The following SLC41A2 variants were observed in gnomAD, a reference collection of about 807,000 sequenced individuals.
SLC41A2 encodes solute carrier family 41 member 2.
Under a neutral mutation model 58.3 loss-of-function variants are expected in SLC41A2, and 32 were observed. The observed-to-expected ratio is 0.55, with a 90% confidence interval of 0.41 to 0.74. The LOEUF (loss-of-function observed/expected upper bound fraction) is 0.74. Among genes scored for constraint, SLC41A2 ranks in the 30% least tolerant of loss-of-function variants. The pLI, the probability that SLC41A2 is intolerant of heterozygous loss-of-function variation, is 0.00. For missense variants in SLC41A2, 514 were observed against 680.6 expected, an observed-to-expected ratio of 0.76 and a Z score of 2.72; for synonymous variants, 190 against 235.0, an observed-to-expected ratio of 0.81 and a Z score of 1.75.
At chr12:104,855,674 G>A (rs192332474) in intron 8 of SLC41A2, among the ~76,000 whole-genome samples, 101 of 152,196 alleles carry the variant, frequency 6.6e-4, no homozygotes, top group Admixed American at 2.8e-3. Flanking sequence ...TAAACAGTCC[G>A]TCTTGAATCC....
chr12:104,878,326 T>TATATATATAA (rs1555206647), intron 6 of SLC41A2, among the ~76,000 whole-genome samples: 1 of 148,074 alleles, frequency 6.8e-6, no homozygotes, highest in African/African-American at 2.5e-5. Context: ...TATATATATA[T>TATATATATAA]ACATTTTTTA....
chr12:104,948,230 G>GA (rs2047806099), intron 1 of SLC41A2, among the ~76,000 whole-genome samples: 1 of 151,854 alleles, frequency 6.6e-6, no homozygotes, highest in African/African-American at 2.4e-5. Context: ...GGATAATGAC[G>GA]AAAAAAATGT....
At chr12:104,869,263 T>G (rs1423623630) in intron 6 of SLC41A2, among the ~76,000 whole-genome samples, 1 of 152,192 alleles carries the variant, frequency 6.6e-6, no homozygotes, top group Non-Finnish European at 1.5e-5. Flanking sequence ...AATTGTATAC[T>G]TTAAAAAAGT....
chr12:104,900,879 A>T (rs1369360353), intron 3 of SLC41A2, among the ~76,000 whole-genome samples: 1 of 152,236 alleles, frequency 6.6e-6, no homozygotes, highest in African/African-American at 2.4e-5. Context: ...ACTTAAAGTT[A>T]CTAGGGAAAG....
At chr12:104,860,974 A>C (rs939126235) in intron 8 of SLC41A2, among the ~76,000 whole-genome samples, 1 of 152,216 alleles carries the variant, frequency 6.6e-6, no homozygotes, top group Non-Finnish European at 1.5e-5. Context: ...AATATACAAT[A>C]GCTGATAATC....
chr12:104,886,409 G>A lies in SLC41A2; in HGVS notation c.911C>T (p.Ser304Leu). 6.2e-7 allele frequency: 1 copy of A among 1,613,384 alleles called. No individual in the cohort carries two copies. Among genetic ancestry groups the A allele is most frequent in the Non-Finnish European group, 8.5e-7 (1 of 1,179,458 alleles). ...ATCAGGATTTATACCAGTCTTCTTTGAACCAACGATAACCCCAACCATTAT... is the reference window on the plus strand; with the variant it reads ...ATCAGGATTTATACCAGTCTTCTTTAAACCAACGATAACCCCAACCATTAT... The part of the protein sequence containing the change: ...GIIMVGVIVG[S>L]KKTGINPDNV... The change falls in exon 6 of 11, where the codon TCA becomes TTA. Residue 304 changes from serine (S) to leucine (L), a missense_variant. Coordinates refer to ENST00000258538, the MANE Select transcript of SLC41A2 (RefSeq NM_001352171.3).
At chr12:104,956,407 G>A (rs1479103436) in intron 1 of SLC41A2, among the ~76,000 whole-genome samples, 3 of 152,156 alleles carry the variant, frequency 2.0e-5, no homozygotes, top group Non-Finnish European at 4.4e-5. Context: ...GACTGGCCGT[G>A]GTGGCTTATG....
At position 104,804,712 on chromosome 12, in the gene SLC41A2, C is replaced by T. The variant is rs1318129603; in HGVS notation, c.*440G>A. 1 of 153,388 alleles carries T rather than the reference C, an allele frequency of 6.5e-6. No homozygotes were observed. Among genetic ancestry groups the T allele is most frequent in the East Asian group, 1.9e-4 (1 of 5,218 alleles). 9.5% of individuals were successfully genotyped at this position (153,388 alleles called of 1,614,324 possible). On this transcript the variant is annotated 3_prime_UTR_variant, in exon 11 of 11. Transcript: ENST00000258538. ...TGGGCATTGTTAATACGATTCAAAG[C>T]TTGGTTGGGCACTCTTCGTTTTATA...
In SLC41A2 at chr12:104,928,576, A is replaced by C; in HGVS notation, c.-49T>G. On this transcript the variant is annotated 5_prime_UTR_variant, in exon 2 of 11. Transcript: ENST00000258538. ...ACTCCTTAGATCTCAAGCTTCGGGA[A>C]CCACAGCAGATGAATCAGAACCGCA... 1 of 1,242,400 alleles carries C rather than the reference A, an allele frequency of 8.0e-7. No individual in the cohort carries two copies. The highest frequency in any genetic ancestry group is 1.1e-6 in the Non-Finnish European group (1 of 930,732). The allele number at this position is 1,242,400 out of a possible 1,614,324, so 77.0% of individuals were successfully genotyped here. A position where few individuals can be genotyped will look rare whatever the true frequency, so the allele number is the denominator to read the frequency against.
intron 9 of SLC41A2, among the ~76,000 whole-genome samples, chr12:104,845,252 C>G: frequency 6.6e-6 from 1 of 152,120 alleles, no homozygotes; most frequent in Non-Finnish European, 1.5e-5. Context: ...GATGGTACCA[C>G]TATTCTCCAG....
intron 1 of SLC41A2, among the ~76,000 whole-genome samples, chr12:104,949,026 A>G (rs1437960134): frequency 6.6e-6 from 1 of 152,062 alleles, no homozygotes; most frequent in Non-Finnish European, 1.5e-5. Flanking sequence ...GACCAGCCTG[A>G]TCAACATGGA....
intron 8 of SLC41A2, 64 bp from the exon 9 acceptor site, chr12:104,846,038 C>T: frequency 1.3e-6 from 2 of 1,525,622 alleles, no homozygotes; most frequent in South Asian, 2.4e-5. Flanking sequence ...TAAATTCAAC[C>T]AAAAGCAAGC....
chr12:104,886,494 C>T, intron 5 of SLC41A2, 55 bp from the exon 6 acceptor site: 4 of 1,555,034 alleles, frequency 2.6e-6, no homozygotes, highest in African/African-American at 2.7e-5. Context: ...AAAATCAATC[C>T]CCCAAATACC....
chr12:104,855,109 T>C (rs1377221632), intron 8 of SLC41A2, among the ~76,000 whole-genome samples: 4 of 152,228 alleles, frequency 2.6e-5, no homozygotes, highest in Non-Finnish European at 4.4e-5. Context: ...AAGTTCCTCA[T>C]CTGGACTTCT....
chr12:104,906,488 C>T (rs981219777), intron 3 of SLC41A2, among the ~76,000 whole-genome samples: 2 of 152,142 alleles, frequency 1.3e-5, no homozygotes, highest in African/African-American at 4.8e-5. Flanking sequence ...CAGGGGGTGG[C>T]TCAGTGGCTC....
intron 2 of SLC41A2, among the ~76,000 whole-genome samples, chr12:104,915,250 T>C (rs192398827): frequency 9.5e-4 from 145 of 152,358 alleles, no homozygotes; most frequent in African/African-American, 3.1e-3. Flanking sequence ...GAACATTTTT[T>C]AATTGGTAAA....
intron 3 of SLC41A2, among the ~76,000 whole-genome samples, chr12:104,899,785 T>G (rs944773320): frequency 7.2e-5 from 11 of 152,170 alleles, no homozygotes; most frequent in Non-Finnish European, 1.0e-4. Flanking sequence ...TAGCTATGCA[T>G]AGGTCACAGA....
At chr12:104,917,586 CAAT>C in intron 2 of SLC41A2, among the ~76,000 whole-genome samples, 1 of 151,292 alleles carries the variant, frequency 6.6e-6, no homozygotes, top group Non-Finnish European at 1.5e-5. Flanking sequence ...AAATATCCAA[CAAT>C]GATAGACTGG....
chr12:104,859,147 G>T (rs2043117625), intron 8 of SLC41A2, among the ~76,000 whole-genome samples: 2 of 152,104 alleles, frequency 1.3e-5, no homozygotes, highest in Non-Finnish European at 2.9e-5. Flanking sequence ...TAAAAACCTA[G>T]TTAGAATGAT....
Sources: allele counts gnomAD v4.1 joint callset (sites outside exome capture counted in the v4.1 genomes callset), GRCh38; gene constraint gnomAD v4.1.1; transcripts MANE v1.5; gene names NCBI Gene and HGNC (gene_info 2026-07-23, HGNC 2026-07-21).